The following MTHFD2L variants were observed in gnomAD, a reference collection of about 807,000 sequenced individuals.
The protein encoded by MTHFD2L is bifunctional methylenetetrahydrofolate dehydrogenase/cyclohydrolase 2, mitochondrial.
A neutral mutation model predicts 34.9 loss-of-function variants in MTHFD2L; 29 were observed. The ratio of observed to expected loss-of-function variants is 0.83; its 90% CI spans 0.62 to 1.13. MTHFD2L has a LOEUF of 1.13. MTHFD2L is among the 50% of genes most tolerant of loss of function. The pLI is 0.00. For missense variants in MTHFD2L, 481 were observed against 446.5 expected (o/e 1.08, Z -0.70); for synonymous variants, 167 against 155.7 (o/e 1.07, Z -0.54).
chr4:74,232,953 A>C (rs1317941097), intron 6 of MTHFD2L, among the ~76,000 whole-genome samples: 1 of 152,224 alleles, frequency 6.6e-6, no homozygotes, highest in East Asian at 1.9e-4. Context: ...ATAATGCAGC[A>C]AACAGCTGTA....
At chr4:74,232,394 A>AT (rs1042821197) in intron 6 of MTHFD2L, among the ~76,000 whole-genome samples, 1 of 151,794 alleles carries the variant, frequency 6.6e-6, no homozygotes, top group Admixed American at 6.6e-5. Flanking sequence ...GATGAAAGGG[A>AT]TTTTTTTCTC....
chr4:74,131,865 A>G (rs1722532111), intron 1 of MTHFD2L, among the ~76,000 whole-genome samples: 2 of 152,234 alleles, frequency 1.3e-5, no homozygotes, highest in South Asian at 4.1e-4. Flanking sequence ...AGGATCTACA[A>G]AGAACTTAAA....
intron 6 of MTHFD2L, among the ~76,000 whole-genome samples, chr4:74,231,515 CT>C (rs1740063043): frequency 1.3e-5 from 2 of 152,150 alleles, no homozygotes; most frequent in Non-Finnish European, 2.9e-5. Context: ...TATCTCATTT[CT>C]TATTTGTTAT....
intron 1 of MTHFD2L, among the ~76,000 whole-genome samples, chr4:74,163,862 C>G (rs1560430305): frequency 6.6e-6 from 1 of 151,916 alleles, no homozygotes; most frequent in African/African-American, 2.4e-5. Flanking sequence ...GATTTTTCGT[C>G]TTTTTTTGTT....
intron 5 of MTHFD2L, among the ~76,000 whole-genome samples, chr4:74,210,145 G>A (rs1352934748): frequency 6.8e-6 from 1 of 147,636 alleles, no homozygotes; most frequent in Non-Finnish European, 1.5e-5. Flanking sequence ...GTAGGTTGCT[G>A]TTCATTCTGA....
intron 5 of MTHFD2L, among the ~76,000 whole-genome samples, chr4:74,205,765 GTAGTT>G (rs2110068650): frequency 6.6e-6 from 1 of 152,180 alleles, no homozygotes; most frequent in East Asian, 1.9e-4. Context: ...TAGCTGCTAT[GTAGTT>G]TATAAAGAGT....
At chr4:74,251,528 G>T (rs1156412389) in intron 6 of MTHFD2L, among the ~76,000 whole-genome samples, 1 of 152,100 alleles carries the variant, frequency 6.6e-6, no homozygotes, top group Non-Finnish European at 1.5e-5. Flanking sequence ...CTGCTTTGTT[G>T]TGTAGTCAGA....
At chr4:74,197,609 A>G (rs1158377454) in intron 3 of MTHFD2L, among the ~76,000 whole-genome samples, 1 of 152,128 alleles carries the variant, frequency 6.6e-6, no homozygotes, top group East Asian at 1.9e-4. Flanking sequence ...CTTCTGTATG[A>G]TACAAAAGGA....
At chr4:74,223,218 G>A (rs189029439) in intron 5 of MTHFD2L, among the ~76,000 whole-genome samples, 6 of 151,630 alleles carry the variant, frequency 4.0e-5, no homozygotes, top group African/African-American at 1.4e-4. Context: ...AAAATGTGGT[G>A]TGTGTGTGTA....
chr4:74,228,838 G>A (rs1191298850), intron 6 of MTHFD2L, among the ~76,000 whole-genome samples: 1 of 152,190 alleles, frequency 6.6e-6, no homozygotes, highest in Non-Finnish European at 1.5e-5. Context: ...TTTAGGTGTG[G>A]TGGGTGTTGA....
chr4:74,226,060 A>T (rs1056749437), intron 6 of MTHFD2L, among the ~76,000 whole-genome samples: 3 of 152,146 alleles, frequency 2.0e-5, no homozygotes, highest in Non-Finnish European at 4.4e-5. Context: ...AAGCTGCCTC[A>T]AAGTCACCAG....
intron 6 of MTHFD2L, among the ~76,000 whole-genome samples, chr4:74,241,192 C>T (rs1741657987): frequency 1.3e-5 from 2 of 152,088 alleles, no homozygotes; most frequent in Non-Finnish European, 2.9e-5. Flanking sequence ...TTACTTTTAC[C>T]ATTATCAAAT....
At chr4:74,121,011 G>T (rs1041454162), upstream of MTHFD2L, among the ~76,000 whole-genome samples, 1 of 152,182 alleles carries the variant, frequency 6.6e-6, no homozygotes, top group South Asian at 2.1e-4. Flanking sequence ...AGCCAAAGTG[G>T]AATTATGGGG....
At chr4:74,201,439 C>T in intron 5 of MTHFD2L, 69 bp downstream of exon 5, 1 of 1,127,570 alleles carries the variant, frequency 8.9e-7, no homozygotes, top group Non-Finnish European at 1.3e-6. Flanking sequence ...CAAGTAAACA[C>T]TTTTGATAAT....
chr4:74,146,551 A>G (rs1470845239), intron 1 of MTHFD2L, among the ~76,000 whole-genome samples: 4 of 152,148 alleles, frequency 2.6e-5, no homozygotes, highest in Non-Finnish European at 5.9e-5. Flanking sequence ...CCACCATTCT[A>G]CTTTCTTTAT....
intron 7 of MTHFD2L, among the ~76,000 whole-genome samples, chr4:74,284,724 G>T (rs1747936656): frequency 6.6e-6 from 1 of 152,008 alleles, no homozygotes; most frequent in Admixed American, 6.6e-5. Context: ...GGAGAAATAG[G>T]AACACTTTTA....
At chr4:74,287,599 T>C (rs1748345982) in intron 7 of MTHFD2L, among the ~76,000 whole-genome samples, 1 of 151,934 alleles carries the variant, frequency 6.6e-6, no homozygotes, top group South Asian at 2.1e-4. Flanking sequence ...ATACAAAAAT[T>C]CGCTAGGTGT....
upstream of MTHFD2L, among the ~76,000 whole-genome samples, chr4:74,122,453 C>T (rs561164371): frequency 1.3e-5 from 2 of 152,236 alleles, no homozygotes; most frequent in African/African-American, 2.4e-5. Context: ...GAAATCCATC[C>T]CCATGACTTA....
At chr4:74,270,325 C>T (rs955758422) in intron 6 of MTHFD2L, among the ~76,000 whole-genome samples, 2 of 152,040 alleles carry the variant, frequency 1.3e-5, no homozygotes, top group Non-Finnish European at 2.9e-5. Flanking sequence ...CCCCCCTTCC[C>T]TCACCCCACA....
Sources: allele counts gnomAD v4.1 joint callset (sites outside exome capture counted in the v4.1 genomes callset), GRCh38; gene constraint gnomAD v4.1.1; transcripts MANE v1.5; gene names NCBI Gene and HGNC (gene_info 2026-07-23, HGNC 2026-07-21).